The following DLGAP2 variants were observed in gnomAD, a reference collection of about 807,000 sequenced individuals.
The protein encoded by DLGAP2 is DLG associated protein 2.
A neutral mutation model predicts 100.3 loss-of-function variants in DLGAP2; 26 were observed. The observed-to-expected ratio is 0.26, with a 90% CI of 0.19 to 0.36. DLGAP2 has a LOEUF of 0.36. Among genes scored for constraint, DLGAP2 ranks in the 10% least tolerant of loss-of-function variants. The pLI is 1.00. For missense variants in DLGAP2, 1,858 were observed against 1,453.2 expected (o/e 1.28, Z -4.53); for synonymous variants, 886 against 630.1 (o/e 1.41, Z -6.08).
chr8:1,258,961 G>A, intron 3 of DLGAP2, 78 bp downstream of exon 3: 1 of 1,156,074 alleles, frequency 8.6e-7, no homozygotes, highest in Non-Finnish European at 1.1e-6. Flanking sequence ...AGTCTACCAT[G>A]AAACGTGTTG....
chr8:1,052,220 T>G (rs1802739505), intron 2 of DLGAP2, among the ~76,000 whole-genome samples: 1 of 152,162 alleles, frequency 6.6e-6, no homozygotes, highest in Non-Finnish European at 1.5e-5. Context: ...CCCATTCTCA[T>G]GCATGTAGAC....
At chr8:1,376,643 A>G (rs1249336679) in intron 3 of DLGAP2, among the ~76,000 whole-genome samples, 2 of 138,272 alleles carry the variant, frequency 1.4e-5, no homozygotes, top group African/African-American at 2.8e-5. Flanking sequence ...CAGGGCTGCC[A>G]AGACCCTCAC....
chr8:1,551,653 T>TAAAG (rs1801770009), intron 5 of DLGAP2, among the ~76,000 whole-genome samples: 1 of 152,130 alleles, frequency 6.6e-6, no homozygotes, highest in Non-Finnish European at 1.5e-5. Flanking sequence ...TCAGCCCCTT[T>TAAAG]CAAAAACCAT....
chr8:1,305,187 C>T (rs980337310), intron 3 of DLGAP2, among the ~76,000 whole-genome samples: 2 of 152,168 alleles, frequency 1.3e-5, no homozygotes, highest in African/African-American at 4.8e-5. Flanking sequence ...CTTCTTGACT[C>T]TTAGTTTAGT....
At chr8:1,511,159 C>G (rs1010560247) in intron 4 of DLGAP2, among the ~76,000 whole-genome samples, 2 of 151,614 alleles carry the variant, frequency 1.3e-5, no homozygotes, top group Non-Finnish European at 2.9e-5. Flanking sequence ...TAAGGGCTGT[C>G]TAGTGTAGGA....
chr8:966,994 T>C (rs1485754769), intron 2 of DLGAP2, among the ~76,000 whole-genome samples: 1 of 152,266 alleles, frequency 6.6e-6, no homozygotes, highest in Non-Finnish European at 1.5e-5. Flanking sequence ...CTGCGTGACA[T>C]TGCAAATATG....
chr8:1,471,529 C>T (rs1417030766), intron 3 of DLGAP2, among the ~76,000 whole-genome samples: 2 of 148,048 alleles, frequency 1.4e-5, no homozygotes, highest in African/African-American at 2.6e-5. Flanking sequence ...GCCCTCCCCT[C>T]CCCTCCCAGC....
chr8:1,626,968 C>T (rs1043323298), intron 7 of DLGAP2, 81 bp downstream of exon 7: 66 of 1,489,646 alleles, frequency 4.4e-5, no homozygotes, highest in Non-Finnish European at 5.4e-5. Context: ...GCATAGGTGG[C>T]GATGGCGCTG....
chr8:1,032,512 A>C (rs1048564883), intron 2 of DLGAP2: 2 of 152,250 alleles, frequency 1.3e-5, no homozygotes, highest in African/African-American at 4.8e-5. Flanking sequence ...TACATATTAC[A>C]GGACTAAGGG....
At chr8:1,139,704 C>G (rs768848201) in intron 2 of DLGAP2, among the ~76,000 whole-genome samples, 2 of 152,178 alleles carry the variant, frequency 1.3e-5, no homozygotes, top group African/African-American at 4.8e-5. Context: ...AACTGTGGCA[C>G]CCGACAGGCC....
intron 2 of DLGAP2, among the ~76,000 whole-genome samples, chr8:1,121,080 A>G (rs1796033237): frequency 6.7e-6 from 1 of 148,700 alleles, no homozygotes; most frequent in African/African-American, 2.5e-5. Context: ...TCCCTTTAGA[A>G]CCCCTGATCA....
At position 1,010,153 on chromosome 8, in the gene DLGAP2, A is replaced by T. The variant is rs187734888; in HGVS notation, c.73+102187A>T. 7.2e-5 allele frequency among the ~76,000 whole-genome samples: 11 copies of T among 152,248 alleles called. No homozygotes were observed. The East Asian group carries it at 2.1e-3, about 29-fold the overall frequency. Reference sequence around the variant, plus strand: ...ACAAGCTACTTAACTACATATATGCACACACACCTATGCACACACAGACAC... The same window carrying T: ...ACAAGCTACTTAACTACATATATGCTCACACACCTATGCACACACAGACAC... On this transcript the variant is annotated intron_variant, in intron 2 of 14. Transcript: ENST00000637795.
rs370140511 is a variant in DLGAP2 at position 889,736 on chromosome 8, C to A, written c.19-18176C>A. Reference sequence around the variant, plus strand: ...AGCCCCAGTGCTGGCTGCTGCCCCTCCCCAGGGAGTTAAAACAGCTTAGAC... The same window carrying A: ...AGCCCCAGTGCTGGCTGCTGCCCCTACCCAGGGAGTTAAAACAGCTTAGAC... On this transcript the variant is annotated intron_variant, in intron 1 of 14. Coordinates refer to ENST00000637795, the MANE Select transcript of DLGAP2 (RefSeq NM_001346810.2). Among the ~76,000 whole-genome samples, 237 of 152,320 alleles carry A rather than the reference C, an allele frequency of 1.6e-3. 5 individuals are homozygous for A. The highest frequency in any genetic ancestry group is 1.9e-3 in the Non-Finnish European group (128 of 68,014).
chr8:832,654 A>AT (rs1442795544), intron 1 of DLGAP2, among the ~76,000 whole-genome samples: 2 of 152,144 alleles, frequency 1.3e-5, no homozygotes, highest in African/African-American at 4.8e-5. Context: ...TTTTGCACTG[A>AT]TTTTTTTGAT....
chr8:1,566,166 G>C (rs1053591252), intron 6 of DLGAP2, among the ~76,000 whole-genome samples: 3 of 152,114 alleles, frequency 2.0e-5, no homozygotes, highest in African/African-American at 7.2e-5. Flanking sequence ...GTATCTTTCT[G>C]ATCATTCAGA....
intron 6 of DLGAP2, among the ~76,000 whole-genome samples, chr8:1,598,809 A>C (rs896280388): frequency 1.3e-5 from 2 of 152,152 alleles, no homozygotes; most frequent in Admixed American, 1.3e-4. Flanking sequence ...TCTTTTCAAA[A>C]AACCAGCTTC....
At chr8:1,511,363 C>T (rs1392390718) in intron 4 of DLGAP2, among the ~76,000 whole-genome samples, 1 of 145,556 alleles carries the variant, frequency 6.9e-6, no homozygotes, top group Non-Finnish European at 1.5e-5. Context: ...TAAGGGCTGT[C>T]TAGTGTAGGA....
chr8:869,604 C>G (rs915221321), intron 1 of DLGAP2, among the ~76,000 whole-genome samples: 1 of 152,176 alleles, frequency 6.6e-6, no homozygotes, highest in Non-Finnish European at 1.5e-5. Flanking sequence ...TTTTCCAAGG[C>G]TGGCAGCTGG....
intron 4 of DLGAP2, among the ~76,000 whole-genome samples, chr8:1,539,706 G>A (rs1021851972): frequency 3.3e-5 from 5 of 152,170 alleles, no homozygotes; most frequent in South Asian, 2.1e-4. Context: ...GGAGGATGCC[G>A]ACAGCGAGAC....
Sources: allele counts gnomAD v4.1 joint callset (sites outside exome capture counted in the v4.1 genomes callset), GRCh38; gene constraint gnomAD v4.1.1; transcripts MANE v1.5; gene names NCBI Gene and HGNC (gene_info 2026-07-23, HGNC 2026-07-21).